DEFB109B: variants seen among roughly 807,000 people sequenced by gnomAD.
DEFB109B encodes beta-defensin 109B.
chr8:7,312,101 G>C (rs1490368777), upstream of DEFB109B, among the ~76,000 whole-genome samples: 3 of 95,768 alleles, frequency 3.1e-5, 1 homozygote, highest in African/African-American at 2.5e-4. Flanking sequence ...GGGTGGGGGG[G>C]GGGAACAGAT....
chr8:7,319,401 CA>C (rs1373464444), intron 1 of DEFB109B: 1 of 144,804 alleles, frequency 6.9e-6, no homozygotes. Flanking sequence ...AAGGTGGAAG[CA>C]CCAGGGCCCT....
At chr8:7,312,328 A>G (rs1365186301), upstream of DEFB109B, among the ~76,000 whole-genome samples, 9 of 139,058 alleles carry the variant, frequency 6.5e-5, 1 homozygote, top group African/African-American at 3.0e-4. Context: ...AAGAGGGTCG[A>G]TCTTAGGGGT....
chr8:7,319,615 A>T (rs1021581324), intron 1 of DEFB109B, 131 bp from the exon 2 acceptor site: 1 of 142,356 alleles, frequency 7.0e-6, no homozygotes, highest in Non-Finnish European at 1.5e-5. Flanking sequence ...TCTCTGACAT[A>T]TGAGCAGCAA....
upstream of DEFB109B, among the ~76,000 whole-genome samples, chr8:7,312,094 TGG>T (rs1213065147): frequency 3.9e-5 from 3 of 76,408 alleles, no homozygotes; most frequent in South Asian, 7.7e-4. Flanking sequence ...TTTACTTGGG[TGG>T]GGGGGGGGAA....
chr8:7,315,213 G>A (rs1006491218), intron 1 of DEFB109B, among the ~76,000 whole-genome samples: 7 of 99,066 alleles, frequency 7.1e-5, no homozygotes, highest in Admixed American at 6.7e-4. Context: ...ACACAAGATA[G>A]GTCATGAAAA....
At chr8:7,313,651 G>A (rs1802755655) in intron 1 of DEFB109B, among the ~76,000 whole-genome samples, 1 of 144,710 alleles carries the variant, frequency 6.9e-6, no homozygotes, top group Non-Finnish European at 1.5e-5. Flanking sequence ...ATACAAAAAT[G>A]GCTAAAATTT....
intron 1 of DEFB109B, among the ~76,000 whole-genome samples, chr8:7,315,766 G>C (rs1315574119): frequency 7.0e-6 from 1 of 143,004 alleles, no homozygotes; most frequent in African/African-American, 3.0e-5. Context: ...TTTTCAGTAG[G>C]GCTTCATTAC....
upstream of DEFB109B, among the ~76,000 whole-genome samples, chr8:7,312,100 G>GC (rs1231623503): frequency 2.1e-5 from 2 of 96,972 alleles, no homozygotes; most frequent in South Asian, 6.5e-4. Context: ...TGGGTGGGGG[G>GC]GGGGAACAGA....
chr8:7,312,065 T>A (rs1191287111), upstream of DEFB109B, among the ~76,000 whole-genome samples: 1 of 117,750 alleles, frequency 8.5e-6, no homozygotes, highest in Non-Finnish European at 1.6e-5. Flanking sequence ...AATAGGTAAT[T>A]GTTATATTAG....
chr8:7,317,696 TACA>T (rs1803048251), intron 1 of DEFB109B, among the ~76,000 whole-genome samples: 1 of 41,608 alleles, frequency 2.4e-5, no homozygotes, highest in Admixed American at 2.6e-4. Context: ...TTCAAAATGT[TACA>T]ACATTCCAGT....
Position 7,319,633 on chromosome 8 carries a change from A to G in DEFB109B, n.59-113A>G, listed in dbSNP as rs1035943439. ...CTGACATATGAGCAGCAACCATGTC[A>G]AGAGCTCCCACATAAAAACGTTCAT... On this transcript the variant is annotated intron_variant and non_coding_transcript_variant, in intron 1 of 1. Transcript: ENST00000382656. 2.2e-4 allele frequency: 31 copies of G among 144,148 alleles called. 3 individuals are homozygous for G. The highest frequency in any genetic ancestry group is 9.4e-4 in the African/African-American group (31 of 33,078). 8.9% of individuals were successfully genotyped at this position (144,148 alleles called of 1,614,324 possible).
intron 1 of DEFB109B, among the ~76,000 whole-genome samples, chr8:7,315,279 A>G (rs1216211612): frequency 7.8e-6 from 1 of 128,620 alleles, no homozygotes; most frequent in African/African-American, 4.3e-5. Flanking sequence ...GCACTTTGGG[A>G]GGCCGAGGCC....
At chr8:7,315,514 G>A (rs1417029793) in intron 1 of DEFB109B, among the ~76,000 whole-genome samples, 7 of 84,278 alleles carry the variant, frequency 8.3e-5, no homozygotes, top group South Asian at 6.6e-4. Flanking sequence ...AAAAAAAAAA[G>A]AAGAAGAAGA....
At chr8:7,319,911 T>C (rs1056944543) in exon 2 of DEFB109B, 3 of 75,160 alleles carry the variant, frequency 4.0e-5, no homozygotes, top group African/African-American at 2.5e-4. Context: ...CCACTTATCA[T>C]GTCAGATTAT....
chr8:7,315,976 G>T (rs1208200475), intron 1 of DEFB109B, among the ~76,000 whole-genome samples: 5 of 44,026 alleles, frequency 1.1e-4, no homozygotes, highest in African/African-American at 1.5e-4. Context: ...ATTATCATCA[G>T]TTTAGTGATA....
upstream of DEFB109B, among the ~76,000 whole-genome samples, chr8:7,312,320 GA>G (rs1163825439): frequency 1.5e-4 from 21 of 138,946 alleles, 2 homozygotes; most frequent in Admixed American, 1.4e-3. Flanking sequence ...AATTTGTTAA[GA>G]GGGTCGATCT....
upstream of DEFB109B, among the ~76,000 whole-genome samples, chr8:7,312,223 G>A (rs1802648522): frequency 7.5e-6 from 1 of 134,154 alleles, no homozygotes; most frequent in South Asian, 2.2e-4. Flanking sequence ...TTGTTCAAGG[G>A]TTAAAGCTAT....
At chr8:7,309,596 T>C (rs779165787), upstream of DEFB109B, among the ~76,000 whole-genome samples, 5,452 of 147,590 alleles carry the variant, frequency 0.037, 96 homozygotes, top group Middle Eastern at 0.1. Flanking sequence ...CAACAGAGCA[T>C]GCCCTTCTGC....
chr8:7,315,935 C>T (rs1246233564), intron 1 of DEFB109B, among the ~76,000 whole-genome samples: 9 of 54,150 alleles, frequency 1.7e-4, no homozygotes, highest in South Asian at 1.0e-3. Flanking sequence ...TCACTTCTTT[C>T]CAGAATCCCC....
Sources: gnomAD v4.1 joint callset for allele counts (sites outside exome capture counted in the v4.1 genomes callset) on GRCh38, gnomAD v4.1.1 for gene constraint, MANE v1.5 for transcripts, NCBI Gene and HGNC (gene_info 2026-07-23, HGNC 2026-07-21) for gene names.